SMOC2: variants seen among roughly 807,000 people sequenced by gnomAD.
SMOC2 encodes SPARC related modular calcium binding 2.
In SMOC2, 39 loss-of-function variants were observed where a neutral mutation model predicts 61.4. The ratio of observed to expected loss-of-function variants is 0.64; its 90% CI spans 0.49 to 0.83. The LOEUF (loss-of-function observed/expected upper bound fraction) is 0.83. SMOC2 is among the 40% of genes least tolerant of loss of function. The pLI, the probability that SMOC2 is intolerant of heterozygous loss-of-function variation, is 0.00. For missense variants in SMOC2, 556 were observed against 592.9 expected (o/e 0.94, Z 0.65); for synonymous variants, 247 against 239.9 (o/e 1.03, Z -0.27).
At chr6:168,482,639 G>T (rs1250162191) in intron 1 of SMOC2, among the ~76,000 whole-genome samples, 1 of 151,952 alleles carries the variant, frequency 6.6e-6, no homozygotes, top group Non-Finnish European at 1.5e-5. Context: ...TATGAACATC[G>T]ATGCCAAAAT....
chr6:168,548,499 A>G (rs1297143686), intron 6 of SMOC2, among the ~76,000 whole-genome samples: 3 of 149,196 alleles, frequency 2.0e-5, no homozygotes, highest in Non-Finnish European at 4.4e-5. Context: ...CTGGGACTAC[A>G]GGCACTTGCC....
chr6:168,518,948 T>C (rs1224746262), intron 2 of SMOC2, among the ~76,000 whole-genome samples: 2 of 149,786 alleles, frequency 1.3e-5, no homozygotes, highest in East Asian at 2.0e-4. Flanking sequence ...CTTGCATGTG[T>C]GTTAGTGTGT....
chr6:168,478,632 C>T (rs556837844), intron 1 of SMOC2, among the ~76,000 whole-genome samples: 10 of 152,344 alleles, frequency 6.6e-5, no homozygotes, highest in African/African-American at 2.2e-4. Flanking sequence ...CACAGCTTCC[C>T]AGCTTCCTTA....
chr6:168,505,381 T>C (rs1344822159), intron 1 of SMOC2, among the ~76,000 whole-genome samples: 1 of 151,450 alleles, frequency 6.6e-6, no homozygotes, highest in Non-Finnish European at 1.5e-5. Context: ...GAAATGTCTG[T>C]ATCTCAGATG....
At position 168,527,716 on chromosome 6, in the gene SMOC2, C is replaced by T. The variant is rs1262598630; in HGVS notation, c.452C>T (p.Pro151Leu). 3 of 1,550,972 alleles carry T rather than the reference C, an allele frequency of 1.9e-6. No individual in the cohort carries two copies. The highest frequency in any genetic ancestry group is 1.2e-5 in the South Asian group (1 of 84,068). The part of the protein sequence containing the change: ...ISGTAVAHKT[P>L]RCPGSVNEKL... ...GGCACTGCCGTGGCCCACAAGACGC[C>T]CCGGTGCCCGGGTAGGTCTGACGTG... The change falls in exon 4 of 13, where the codon CCC (proline) becomes CTC (leucine). Residue 151 changes from proline to leucine, a missense_variant. Pro to Leu is a moderately conservative substitution (Grantham distance 98, BLOSUM62 -3). Transcript: ENST00000356284.
chr6:168,495,380 C>T (rs12528239), intron 1 of SMOC2, among the ~76,000 whole-genome samples: 2,366 of 152,314 alleles, frequency 0.016, 207 homozygotes, highest in Admixed American at 0.14. Flanking sequence ...ACCTTGTCCG[C>T]GGCTCCCGGT....
intron 1 of SMOC2, among the ~76,000 whole-genome samples, chr6:168,466,367 T>C (rs569294661): frequency 1.3e-5 from 2 of 152,274 alleles, no homozygotes; most frequent in Admixed American, 6.5e-5. Flanking sequence ...GAGCTGGAAC[T>C]GGGGTGCTCT....
At chr6:168,558,850 C>T (rs185258575) in intron 7 of SMOC2, among the ~76,000 whole-genome samples, 34 of 140,958 alleles carry the variant, frequency 2.4e-4, no homozygotes, top group Admixed American at 1.5e-3. Flanking sequence ...TGTGTATGTG[C>T]GCGTGTGCGC....
At chr6:168,463,576 A>AT (rs1474699399) in intron 1 of SMOC2, among the ~76,000 whole-genome samples, 1 of 152,120 alleles carries the variant, frequency 6.6e-6, no homozygotes, top group East Asian at 1.9e-4. Context: ...GAGCCAGGGG[A>AT]GTGTGAGAAA....
intron 1 of SMOC2, among the ~76,000 whole-genome samples, chr6:168,449,908 G>GAA (rs1354013202): frequency 6.6e-6 from 1 of 152,228 alleles, no homozygotes; most frequent in Non-Finnish European, 1.5e-5. Context: ...CATCAAAGAA[G>GAA]AAGCAGTTAG....
intron 9 of SMOC2, among the ~76,000 whole-genome samples, chr6:168,629,196 G>T (rs1405519035): frequency 3.9e-5 from 6 of 152,238 alleles, no homozygotes; most frequent in African/African-American, 1.4e-4. Context: ...TCTCCAGAAG[G>T]AGCCACCACA....
At chr6:168,649,828 GC>G (rs1787146644) in intron 9 of SMOC2, among the ~76,000 whole-genome samples, 1 of 152,216 alleles carries the variant, frequency 6.6e-6, no homozygotes, top group Non-Finnish European at 1.5e-5. Context: ...CATTGTCCAT[GC>G]CACCCTGGGC....
chr6:168,475,690 C>T lies in SMOC2; in HGVS notation c.85-34225C>T, dbSNP rs2115017952. 6.6e-6 allele frequency among the ~76,000 whole-genome samples: 1 copy of T among 152,222 alleles called. No homozygotes were observed. The highest frequency in any genetic ancestry group is 1.9e-4 in the East Asian group (1 of 5,174). ...CCACGCGTCTGTGGCCCAGGGAGGCCACGTGTGAGACCTGGTGTGGGTCGA... is the reference window on the plus strand; with the variant it reads ...CCACGCGTCTGTGGCCCAGGGAGGCTACGTGTGAGACCTGGTGTGGGTCGA... On this transcript the variant is annotated intron_variant, in intron 1 of 12. Transcript: ENST00000356284. This position sits in a 1 kb window ranked among gnomAD's most constrained non-coding sequence, Gnocchi z 4.6.
chr6:168,577,488 C>T (rs979514901), intron 7 of SMOC2, among the ~76,000 whole-genome samples: 3 of 152,126 alleles, frequency 2.0e-5, no homozygotes, highest in African/African-American at 7.2e-5. Flanking sequence ...ATGTTGCATC[C>T]GGTGATCAGG....
intron 2 of SMOC2, among the ~76,000 whole-genome samples, chr6:168,516,287 C>G (rs1325654630): frequency 6.6e-6 from 1 of 151,520 alleles, no homozygotes; most frequent in Non-Finnish European, 1.5e-5. Context: ...TTTCAGAACT[C>G]TGCACACACA....
At chr6:168,560,577 T>A (rs372903846) in intron 7 of SMOC2, among the ~76,000 whole-genome samples, 2 of 58,504 alleles carry the variant, frequency 3.4e-5, no homozygotes, top group Admixed American at 1.6e-4. Flanking sequence ...ACTGCATTCT[T>A]GGAGGAGGTG....
Position 168,526,538 on chromosome 6 carries a change from G to T in SMOC2, c.363+86G>T, listed in dbSNP as rs545905419. 5 of 1,036,664 alleles carry T rather than the reference G, an allele frequency of 4.8e-6. No individual in the cohort carries two copies. The South Asian group carries it at 5.2e-5, about 11-fold the overall frequency. The allele number at this position is 1,036,664 out of a possible 1,614,324, so 64.2% of individuals were successfully genotyped here. On this transcript the variant is annotated intron_variant, in intron 3 of 12. Coordinates refer to ENST00000356284, the MANE Select transcript of SMOC2 (RefSeq NM_001166412.2). ...GGTGTGGGGAGAAGGCAGGTGGGGG[G>T]AGCCGAACAGAAGAAGCAGCGGGTT...
chr6:168,449,150 C>A (rs1049388020), intron 1 of SMOC2, among the ~76,000 whole-genome samples: 2 of 152,086 alleles, frequency 1.3e-5, no homozygotes, highest in African/African-American at 4.8e-5. Flanking sequence ...TGTCTGATTC[C>A]CAGTGTCTGT....
intron 2 of SMOC2, among the ~76,000 whole-genome samples, chr6:168,515,930 A>G (rs1004793826): frequency 1.3e-5 from 2 of 152,230 alleles, no homozygotes; most frequent in African/African-American, 2.4e-5. Flanking sequence ...GTCCCTTTAG[A>G]TCATTCGTGT....
Sources: gnomAD v4.1 joint callset for allele counts (sites outside exome capture counted in the v4.1 genomes callset) on GRCh38, gnomAD v4.1.1 for gene constraint, Gnocchi (gnomAD v3.1) non-coding constraint, MANE v1.5 for transcripts, NCBI Gene and HGNC (gene_info 2026-07-23, HGNC 2026-07-21) for gene names.